The following MECOM variants were observed in gnomAD, a reference collection of about 807,000 sequenced individuals.
The protein encoded by MECOM is MDS1 and EVI1 complex locus, also known as histone-lysine N-methyltransferase MECOM.
In MECOM, 13 loss-of-function variants were observed where a neutral mutation model predicts 116.3. That is an observed-to-expected ratio of 0.11 (90% CI 0.07 to 0.18). MECOM has a LOEUF of 0.18. MECOM is among the 10% of genes least tolerant of loss of function. MECOM has a pLI of 1.00. For synonymous variants in MECOM, 528 were observed against 535.2 expected (o/e 0.99, Z 0.19); for missense variants, 1,299 against 1,509.0 (o/e 0.86, Z 2.31).
At chr3:169,277,315 G>A (rs1296048219) in intron 2 of MECOM, among the ~76,000 whole-genome samples, 1 of 151,994 alleles carries the variant, frequency 6.6e-6, no homozygotes, top group South Asian at 2.1e-4. Flanking sequence ...AAACAAAAAA[G>A]GGATAAGAAA....
At position 169,441,377 on chromosome 3, in the gene MECOM, A is replaced by G. The variant is rs193164188; in HGVS notation, c.38-59853T>C. Among the ~76,000 whole-genome samples, 328 of 152,328 alleles carry G rather than the reference A, an allele frequency of 2.2e-3. 4 individuals carry two copies. The highest frequency in any genetic ancestry group is 0.019 in the South Asian group (93 of 4,828). On this transcript the variant is annotated intron_variant, in intron 1 of 16. Coordinates refer to ENST00000651503, the MANE Select transcript of MECOM (RefSeq NM_004991.4). ...TGTATATAGCAACTTAACTATTTGAATCATACCCATTTTTAAAACTCTGTA... is the reference window on the plus strand; with the variant it reads ...TGTATATAGCAACTTAACTATTTGAGTCATACCCATTTTTAAAACTCTGTA...
At chr3:169,375,463 A>C (rs998372068) in intron 2 of MECOM, among the ~76,000 whole-genome samples, 4 of 152,076 alleles carry the variant, frequency 2.6e-5, no homozygotes, top group African/African-American at 9.7e-5. Flanking sequence ...AGAGAGAAGA[A>C]TCAAGTAGAC....
chr3:169,515,536 C>T (rs1756518191), intron 1 of MECOM, among the ~76,000 whole-genome samples: 1 of 151,976 alleles, frequency 6.6e-6, no homozygotes, highest in Non-Finnish European at 1.5e-5. Flanking sequence ...AATTTTTTTT[C>T]ACCATACCAT....
chr3:169,140,312 T>C (rs535904006), intron 3 of MECOM, among the ~76,000 whole-genome samples: 1 of 152,182 alleles, frequency 6.6e-6, no homozygotes, highest in East Asian at 1.9e-4. Flanking sequence ...GTAGAGAAAC[T>C]TTAAGGGAAA....
chr3:169,484,757 A>G (rs1445135022), intron 1 of MECOM, among the ~76,000 whole-genome samples: 1 of 149,368 alleles, frequency 6.7e-6, no homozygotes, highest in East Asian at 2.0e-4. Context: ...GCACACTAAC[A>G]TTGGAAGGCA....
intron 1 of MECOM, among the ~76,000 whole-genome samples, chr3:169,407,932 A>G (rs544145945): frequency 6.6e-6 from 1 of 152,350 alleles, no homozygotes; most frequent in South Asian, 2.1e-4. Flanking sequence ...GGATCCATCT[A>G]CTTATTGGCC....
rs1259063704 is a variant in MECOM, at chr3:169,085,042, G to A, written c.3587C>T (p.Ala1196Val). 1.2e-6 allele frequency: 2 copies of A among 1,613,852 alleles called. No individual in the cohort carries two copies. Among genetic ancestry groups the A allele is most frequent in the Non-Finnish European group, 8.5e-7 (1 of 1,179,932 alleles). Reference protein sequence around the residue: ...QPLHRKSKSQAYAMMLSLSDK... With the variant: ...QPLHRKSKSQVYAMMLSLSDK... ...AGACAGTGACAGCATCATAGCATAT[G>A]CCTGGGGTAAAAAGGAGAGAGACTC... The change falls in exon 17 of 17, where the codon GCA becomes GTA. Residue 1196 changes from alanine (A) to valine (V), a missense_variant and splice_region_variant. By Grantham distance (64) the Ala-to-Val change is moderately conservative. This residue lies in a region of MECOM where 273 missense variants were observed against 289.3 expected (regional missense o/e 0.94). Transcript: ENST00000651503.
intron 1 of MECOM, among the ~76,000 whole-genome samples, chr3:169,566,594 G>A (rs1019356819): frequency 6.6e-6 from 1 of 152,136 alleles, no homozygotes; most frequent in African/African-American, 2.4e-5. Flanking sequence ...AATATGGAAT[G>A]GGAACTTAAT....
chr3:169,138,158 T>C (rs78806533), intron 3 of MECOM, among the ~76,000 whole-genome samples: 26 of 152,264 alleles, frequency 1.7e-4, no homozygotes, highest in African/African-American at 5.8e-4. Context: ...TTATGACTTT[T>C]ATATGCCCTC....
chr3:169,334,909 C>G (rs1723345716), intron 2 of MECOM, among the ~76,000 whole-genome samples: 1 of 152,022 alleles, frequency 6.6e-6, no homozygotes, highest in South Asian at 2.1e-4. Context: ...TACATAGTTA[C>G]CTATTTAGAC....
rs549027517 is a variant in MECOM at position 169,123,075 on chromosome 3, T to C, written c.831-348A>G. ...TTCTAACAACAACACGTATTGCTAA[T>C]ACTCACTTAATTGAAACACAATTAA... On this transcript the variant is annotated intron_variant, in intron 5 of 16. Transcript: ENST00000651503. Among the ~76,000 whole-genome samples, 8 of 152,068 alleles carry C rather than the reference T, an allele frequency of 5.3e-5. No homozygotes were observed. The South Asian group carries it at 1.7e-3, about 32-fold the overall frequency.
intron 1 of MECOM, among the ~76,000 whole-genome samples, chr3:169,475,368 T>C (rs553942844): frequency 6.6e-6 from 1 of 152,330 alleles, no homozygotes; most frequent in South Asian, 2.1e-4. Context: ...AAGTGTTTTT[T>C]TAAGTTATTC....
chr3:169,187,985 AT>A (rs1746996534), intron 2 of MECOM, among the ~76,000 whole-genome samples: 1 of 152,032 alleles, frequency 6.6e-6, no homozygotes, highest in Admixed American at 6.6e-5. Context: ...TTACCAACTT[AT>A]TTTTTAAAGC....
intron 1 of MECOM, among the ~76,000 whole-genome samples, chr3:169,431,744 TC>T (rs1741677552): frequency 6.6e-6 from 1 of 152,190 alleles, no homozygotes; most frequent in South Asian, 2.1e-4. Context: ...TGTTTGGGGT[TC>T]TCAATTCAGT....
At chr3:169,138,996 C>T (rs530634866) in intron 3 of MECOM, among the ~76,000 whole-genome samples, 2 of 152,160 alleles carry the variant, frequency 1.3e-5, no homozygotes, top group Non-Finnish European at 1.5e-5. Context: ...CAGCTAGGAT[C>T]GTCCTGGAAG....
intron 2 of MECOM, among the ~76,000 whole-genome samples, chr3:169,262,798 T>G (rs771959687): frequency 2.0e-5 from 3 of 151,952 alleles, no homozygotes; most frequent in Non-Finnish European, 2.9e-5. Flanking sequence ...TTACTGTGAT[T>G]AATACAATGA....
At chr3:169,576,830 C>A in intron 1 of MECOM, among the ~76,000 whole-genome samples, 1 of 97,396 alleles carries the variant, frequency 1.0e-5, no homozygotes, top group Non-Finnish European at 2.3e-5. Flanking sequence ...CACACACACA[C>A]ACACACACAG....
chr3:169,189,381 G>A (rs1249164667), intron 2 of MECOM, among the ~76,000 whole-genome samples: 1 of 151,902 alleles, frequency 6.6e-6, no homozygotes, highest in African/African-American at 2.4e-5. Context: ...CTTCAGTTAA[G>A]GCTCCTTGAG....
intron 2 of MECOM, among the ~76,000 whole-genome samples, chr3:169,173,836 A>G (rs899254651): frequency 1.3e-5 from 2 of 152,220 alleles, no homozygotes; most frequent in African/African-American, 4.8e-5. Context: ...CTGAAGGCCA[A>G]GGAACTTCAC....
Sources: allele counts gnomAD v4.1 joint callset (sites outside exome capture counted in the v4.1 genomes callset), GRCh38; gene constraint gnomAD v4.1.1; regional missense constraint gnomAD v4.1.1; transcripts MANE v1.5; gene names NCBI Gene and HGNC (gene_info 2026-07-23, HGNC 2026-07-21).